The following TSNARE1 variants were observed in gnomAD, a reference collection of about 807,000 sequenced individuals.
TSNARE1 encodes the protein t-SNARE domain containing 1, also known as t-SNARE domain-containing protein 1.
TSNARE1 carries 49 observed loss-of-function variants against 62.0 expected under a neutral mutation model. The ratio of observed to expected loss-of-function variants is 0.79; its 90% confidence interval spans 0.63 to 1.00. TSNARE1 has a LOEUF of 1.00. Ranked by LOEUF, TSNARE1 falls within the 50% of genes least tolerant of loss-of-function variation. TSNARE1 has a pLI of 0.00. For missense variants in TSNARE1, 755 were observed against 700.1 expected (o/e 1.08, Z -0.88); for synonymous variants, 328 against 294.4 (o/e 1.11, Z -1.17).
At chr8:142,241,291 G>A (rs1817658951) in intron 12 of TSNARE1, among the ~76,000 whole-genome samples, 1 of 152,136 alleles carries the variant, frequency 6.6e-6, no homozygotes, top group African/African-American at 2.4e-5. Flanking sequence ...AATTACTTAG[G>A]AGTACATTTA....
intron 9 of TSNARE1, among the ~76,000 whole-genome samples, chr8:142,310,270 T>C (rs990057137): frequency 6.6e-6 from 1 of 152,214 alleles, no homozygotes; most frequent in African/African-American, 2.4e-5. Context: ...TCGATGTGTA[T>C]GTTACTTCTC....
rs7817381 is a variant in TSNARE1 at position 142,291,723 on chromosome 8, C to T, written c.1291-7238G>A. Among the ~76,000 whole-genome samples, 1 of 151,972 alleles carries T rather than the reference C, an allele frequency of 6.6e-6. No individual in the cohort carries two copies. Among genetic ancestry groups the T allele is most frequent in the African/African-American group, 2.4e-5 (1 of 41,382 alleles). On this transcript the variant is annotated intron_variant, in intron 10 of 13. Coordinates refer to ENST00000524325, the MANE Select transcript of TSNARE1 (RefSeq NM_145003.5). The surrounding 1 kb of genome is among the most constrained non-coding windows in gnomAD (Gnocchi z 4.8). ...AACCCAACAGTGTGTGGGGGGCGAG[C>T]GTGGGAGCGGCAGGGGTTAGAGGAC...
At chr8:142,283,168 GTGTCTGTCAATGAGCGGAGGTGGGGCCAC>G (rs1821966563) in intron 11 of TSNARE1, among the ~76,000 whole-genome samples, 1 of 150,608 alleles carries the variant, frequency 6.6e-6, no homozygotes, top group Non-Finnish European at 1.5e-5. Flanking sequence ...GGTGGGGCCA[GTGTCTGTCAATGAGCGGAGGTGGGGCCAC>G]TGTCTGTCTA....
At chr8:142,226,557 G>A (rs969178501) in intron 13 of TSNARE1, among the ~76,000 whole-genome samples, 6 of 152,162 alleles carry the variant, frequency 3.9e-5, no homozygotes, top group African/African-American at 1.4e-4. Context: ...ACAGGATTCT[G>A]TCCAGACTCC....
chr8:142,303,545 C>A (rs1159424788), intron 9 of TSNARE1, among the ~76,000 whole-genome samples: 1 of 152,220 alleles, frequency 6.6e-6, no homozygotes, highest in East Asian at 1.9e-4. Context: ...CCAGGAACAC[C>A]CATGGGGGGC....
chr8:142,279,950 G>C lies in TSNARE1; in HGVS notation c.1363+4463C>G. 5.4e-6 allele frequency: 6 copies of C among 1,109,658 alleles called. No individual in the cohort carries two copies. In the South Asian group the frequency reaches 1.2e-4, roughly 22 times the overall value. The allele number at this position is 1,109,658 out of a possible 1,614,324, so 68.7% of individuals were successfully genotyped here. A position where few individuals can be genotyped will look rare whatever the true frequency, so the allele number is the denominator to read the frequency against. ...ATGCGCTCCACAGGTGTGAGGAGGA[G>C]GCCGGGGGCGGGGCCGCCCTCCGCC... On this transcript the variant is annotated intron_variant, in intron 11 of 13. Coordinates refer to ENST00000524325, the MANE Select transcript of TSNARE1 (RefSeq NM_145003.5).
chr8:142,270,855 C>T (rs1317740352), intron 12 of TSNARE1: 5 of 985,350 alleles, frequency 5.1e-6, no homozygotes, highest in African/African-American at 3.5e-5. Context: ...TCCCACAGGT[C>T]GGCTCTCTGC....
intron 12 of TSNARE1, among the ~76,000 whole-genome samples, chr8:142,266,326 A>G (rs374008058): frequency 2.0e-4 from 31 of 152,320 alleles, no homozygotes; most frequent in African/African-American, 7.2e-4. Context: ...TTGGTTCACT[A>G]TTCTTCTTGC....
intron 2 of TSNARE1, among the ~76,000 whole-genome samples, chr8:142,346,520 T>C (rs984439346): frequency 1.1e-4 from 16 of 152,280 alleles, no homozygotes; most frequent in African/African-American, 3.9e-4. Context: ...ATGCACCTTA[T>C]AAAAGCCTTT....
chr8:142,372,860 C>A (rs1344711418), intron 1 of TSNARE1, among the ~76,000 whole-genome samples: 2 of 149,954 alleles, frequency 1.3e-5, no homozygotes, highest in Non-Finnish European at 3.0e-5. Flanking sequence ...GCAGACTCCC[C>A]CAGGCCTCCT....
At chr8:142,308,060 G>A (rs1251179842) in intron 9 of TSNARE1, among the ~76,000 whole-genome samples, 1 of 152,180 alleles carries the variant, frequency 6.6e-6, no homozygotes, top group Non-Finnish European at 1.5e-5. Flanking sequence ...GAAAGCTGCT[G>A]TCCTTTCATT....
chr8:142,213,375 C>A (rs1043691255), intron 13 of TSNARE1, among the ~76,000 whole-genome samples: 16 of 149,382 alleles, frequency 1.1e-4, no homozygotes, highest in African/African-American at 3.7e-4. Flanking sequence ...ACGTGCCCCT[C>A]TAGCCTTGGG....
intron 9 of TSNARE1, among the ~76,000 whole-genome samples, chr8:142,303,442 T>G (rs1191889027): frequency 6.6e-6 from 1 of 151,954 alleles, no homozygotes; most frequent in African/African-American, 2.4e-5. Flanking sequence ...TTGGCCAAGG[T>G]GGGGAGAGGA....
chr8:142,278,639 C>G, intron 11 of TSNARE1: 1 of 985,466 alleles, frequency 1.0e-6, no homozygotes, highest in Non-Finnish European at 1.2e-6. Flanking sequence ...GCCAGCGTCA[C>G]CCTTGGAGCC....
intron 9 of TSNARE1, among the ~76,000 whole-genome samples, chr8:142,303,366 C>G (rs13255588): frequency 0.68 from 103,982 of 152,102 alleles, 36,366 homozygotes; most frequent in African/African-American, 0.82. Flanking sequence ...AACCGCCCAG[C>G]CTGGGTCCCG....
intron 1 of TSNARE1, among the ~76,000 whole-genome samples, chr8:142,373,595 G>A (rs148059862): frequency 6.6e-6 from 1 of 152,106 alleles, no homozygotes; most frequent in East Asian, 1.9e-4. Flanking sequence ...GCTGATGGAC[G>A]CTGGCCCCTG....
chr8:142,396,934 T>A (rs769808542), intron 1 of TSNARE1, among the ~76,000 whole-genome samples: 12 of 152,210 alleles, frequency 7.9e-5, no homozygotes, highest in Non-Finnish European at 1.5e-4. Context: ...TAGAGCAAGC[T>A]CTGTGATGTG....
intron 11 of TSNARE1, among the ~76,000 whole-genome samples, chr8:142,283,568 T>C (rs1399117859): frequency 1.6e-4 from 8 of 49,872 alleles, no homozygotes; most frequent in Admixed American, 4.4e-4. Flanking sequence ...GAGGCGGAGT[T>C]AGTGTCTGTC....
At chr8:142,308,789 C>T (rs915131263) in intron 9 of TSNARE1, among the ~76,000 whole-genome samples, 4 of 152,216 alleles carry the variant, frequency 2.6e-5, no homozygotes, top group Non-Finnish European at 5.9e-5. Context: ...ACAGTTCACA[C>T]ACACACACAC....
Sources: gnomAD v4.1 joint callset for allele counts (sites outside exome capture counted in the v4.1 genomes callset) on GRCh38, gnomAD v4.1.1 for gene constraint, Gnocchi (gnomAD v3.1) non-coding constraint, MANE v1.5 for transcripts, NCBI Gene and HGNC (gene_info 2026-07-23, HGNC 2026-07-21) for gene names.